The following CNTN4 variants were observed in gnomAD, a reference collection of about 807,000 sequenced individuals.
CNTN4 encodes the protein contactin 4.
In CNTN4, 77 loss-of-function variants were observed where a neutral mutation model predicts 122.5. That is an observed-to-expected ratio of 0.63 (90% CI 0.52 to 0.76). The LOEUF is 0.76. CNTN4 is among the 30% of genes least tolerant of loss of function. The pLI is 0.00. For missense variants in CNTN4, 1,256 were observed against 1,259.1 expected (o/e 1.00, Z 0.04); for synonymous variants, 512 against 447.0 (o/e 1.15, Z -1.83).
chr3:2,382,273 G>A (rs1184879636), intron 3 of CNTN4, among the ~76,000 whole-genome samples: 1 of 151,308 alleles, frequency 6.6e-6, no homozygotes, highest in African/African-American at 2.4e-5. Flanking sequence ...GGGTTCAAGC[G>A]ATTCTCCTGC....
chr3:2,619,804 GA>G (rs1395032176), intron 4 of CNTN4, among the ~76,000 whole-genome samples: 1 of 152,166 alleles, frequency 6.6e-6, no homozygotes, highest in East Asian at 1.9e-4. Flanking sequence ...AGACTACCAG[GA>G]ATGCAACTGC....
chr3:2,638,521 C>G (rs1261157637), intron 4 of CNTN4, among the ~76,000 whole-genome samples: 1 of 151,976 alleles, frequency 6.6e-6, no homozygotes, highest in Non-Finnish European at 1.5e-5. Flanking sequence ...GACACACATT[C>G]AGACATGTCA....
chr3:2,360,619 C>G (rs1334716537), intron 3 of CNTN4, among the ~76,000 whole-genome samples: 2 of 152,078 alleles, frequency 1.3e-5, no homozygotes, highest in Non-Finnish European at 2.9e-5. Flanking sequence ...CCTCAGGAAA[C>G]TTAAAATCAT....
chr3:2,839,350 C>T (rs992830145), intron 7 of CNTN4, among the ~76,000 whole-genome samples: 8 of 150,090 alleles, frequency 5.3e-5, no homozygotes, highest in Non-Finnish European at 1.0e-4. Context: ...AGATAAAAAG[C>T]GGGGGCAGGA....
In CNTN4 at chr3:2,983,390, A is replaced by AGAG. The variant is rs554529403; in HGVS notation, c.1359-4954_1359-4952dup. ...GCATCATAATGTGTTGTAGGACTTC[A>AGAG]GAGTGGCAGAACTACTCAGCAGTTG... On this transcript the variant is annotated intron_variant, in intron 13 of 24. Transcript: ENST00000418658. Among the ~76,000 whole-genome samples, 890 of 152,196 alleles carry AGAG rather than the reference A, an allele frequency of 5.8e-3. 8 individuals are homozygous for AGAG. Among genetic ancestry groups the AGAG allele is most frequent in the Middle Eastern group, 0.038 (11 of 292 alleles).
At chr3:2,505,302 A>G (rs2076703145) in intron 3 of CNTN4, among the ~76,000 whole-genome samples, 1 of 152,188 alleles carries the variant, frequency 6.6e-6, no homozygotes, top group South Asian at 2.1e-4. Flanking sequence ...AGACATCAGA[A>G]TGTTTATATT....
At chr3:2,574,619 T>C (rs1304010278) in intron 4 of CNTN4, among the ~76,000 whole-genome samples, 1 of 152,176 alleles carries the variant, frequency 6.6e-6, no homozygotes, top group Non-Finnish European at 1.5e-5. Flanking sequence ...CAATGAAAAT[T>C]GGCTTCATTA....
At chr3:2,507,078 C>T (rs563096845) in intron 3 of CNTN4, among the ~76,000 whole-genome samples, 4 of 152,132 alleles carry the variant, frequency 2.6e-5, no homozygotes, top group Non-Finnish European at 4.4e-5. Context: ...CAAGGCAAAA[C>T]AGTTTAGTAC....
chr3:2,403,421 C>G (rs546244290), intron 3 of CNTN4, among the ~76,000 whole-genome samples: 34 of 152,244 alleles, frequency 2.2e-4, no homozygotes, highest in African/African-American at 7.5e-4. Flanking sequence ...GCTGCTTTTA[C>G]TCAAAAAATT....
At chr3:3,025,174 T>C (rs1698624287) in intron 14 of CNTN4, among the ~76,000 whole-genome samples, 1 of 152,098 alleles carries the variant, frequency 6.6e-6, no homozygotes, top group Non-Finnish European at 1.5e-5. Context: ...AGTTTTGGAG[T>C]TCATAAACTG....
At chr3:2,364,358 T>C (rs1326183312) in intron 3 of CNTN4, among the ~76,000 whole-genome samples, 1 of 152,232 alleles carries the variant, frequency 6.6e-6, no homozygotes, top group Non-Finnish European at 1.5e-5. Flanking sequence ...ATCATCATAG[T>C]TGCTGCCCTT....
rs773238831 is a variant in CNTN4 at position 3,053,814 on chromosome 3, A to G, written c.2819A>G (p.Tyr940Cys). The G allele has an allele frequency of 1.2e-6, 2 of 1,614,078 alleles. No individual in the cohort carries two copies. The highest frequency in any genetic ancestry group is 3.3e-5 in the Admixed American group (2 of 60,004). Residue 940 changes from tyrosine to cysteine, a missense_variant, in exon 24 of 25, where the codon TAC (tyrosine) becomes TGC (cysteine). Transcript: ENST00000418658. ...ESEVKGYKVL[Y>C]RWNRQSSTSV... is the part of the protein sequence containing the mutation. ...TTCTTTCTGTATTGGCAGGTCTTGT[A>G]CAGATGGAACAGACAAAGCAGCACA... is the stretch of plus-strand genomic sequence containing the variant.
intron 3 of CNTN4, among the ~76,000 whole-genome samples, chr3:2,455,868 A>T (rs1308559644): frequency 2.0e-5 from 3 of 152,072 alleles, no homozygotes; most frequent in Non-Finnish European, 4.4e-5. Context: ...CTAAACCTGG[A>T]CACTAGATAT....
At chr3:2,724,969 A>G (rs571330710) in intron 4 of CNTN4, among the ~76,000 whole-genome samples, 96 of 152,332 alleles carry the variant, frequency 6.3e-4, no homozygotes, top group African/African-American at 2.2e-3. Context: ...AAAAGGTTGG[A>G]CAACTCTGGA....
At chr3:2,659,460 C>CAAAAAAAAAAAAAAA (rs59025670) in intron 4 of CNTN4, among the ~76,000 whole-genome samples, 5 of 53,962 alleles carry the variant, frequency 9.3e-5, no homozygotes, top group South Asian at 8.0e-4. Flanking sequence ...GACTCCATCT[C>CAAAAAAAAAAAAAAA]AAAAAAAAAA....
At chr3:2,188,465 G>A (rs1175958252) in intron 2 of CNTN4, among the ~76,000 whole-genome samples, 3 of 152,170 alleles carry the variant, frequency 2.0e-5, no homozygotes, top group Admixed American at 6.6e-5. Context: ...ATTGGGAGCT[G>A]GAGGGATGGA....
chr3:2,163,078 C>G lies in CNTN4; in HGVS notation c.-145+62439C>G, dbSNP rs367952325. Reference sequence around the variant, plus strand: ...TGCCACTGCACCCCAGCCTGAGCAGCAAAACAAGACCCTGTCTCAAATTAT... The same window carrying G: ...TGCCACTGCACCCCAGCCTGAGCAGGAAAACAAGACCCTGTCTCAAATTAT... On this transcript the variant is annotated intron_variant, in intron 2 of 24. Transcript: ENST00000418658. Among the ~76,000 whole-genome samples, 120 of 152,292 alleles carry G rather than the reference C, an allele frequency of 7.9e-4. 2 individuals are homozygous for G. Among genetic ancestry groups the G allele is most frequent in the African/African-American group, 2.7e-3 (111 of 41,572 alleles).
chr3:2,211,177 C>G (rs188700649), intron 2 of CNTN4, among the ~76,000 whole-genome samples: 13 of 152,184 alleles, frequency 8.5e-5, no homozygotes, highest in African/African-American at 2.6e-4. Flanking sequence ...ATGTCAAAAG[C>G]AGAAGCAAGA....
chr3:2,222,214 C>T (rs2039088259), intron 2 of CNTN4, among the ~76,000 whole-genome samples: 1 of 152,132 alleles, frequency 6.6e-6, no homozygotes, highest in Non-Finnish European at 1.5e-5. Context: ...GAATGCTGTT[C>T]AGCAATGAAG....
Sources: gnomAD v4.1 joint callset for allele counts (sites outside exome capture counted in the v4.1 genomes callset) on GRCh38, gnomAD v4.1.1 for gene constraint, MANE v1.5 for transcripts, NCBI Gene and HGNC (gene_info 2026-07-23, HGNC 2026-07-21) for gene names.